ZNF208: variants seen among roughly 807,000 people sequenced by gnomAD.
ZNF208 encodes the protein zinc finger protein 208.
Under a neutral mutation model 12.1 loss-of-function variants are expected in ZNF208, and 10 were observed. The ratio of observed to expected loss-of-function variants is 0.83; its 90% CI spans 0.51 to 1.40. The LOEUF (loss-of-function observed/expected upper bound fraction) is 1.40, where lower values mean the gene tolerates loss of function less well. Among genes scored for constraint, ZNF208 ranks in the 40% most tolerant of loss-of-function variants. The pLI, the probability that ZNF208 is intolerant of heterozygous loss-of-function variation, is 0.00. For synonymous variants in ZNF208, 497 were observed against 488.4 expected, an observed-to-expected ratio of 1.02 and a Z score of -0.23; for missense variants, 1,652 against 1,485.0, an observed-to-expected ratio of 1.11 and a Z score of -1.85.
intron 1 of ZNF208, among the ~76,000 whole-genome samples, chr19:21,999,150 G>A (rs1970894909): frequency 6.6e-6 from 1 of 150,944 alleles, no homozygotes; most frequent in Admixed American, 6.6e-5. Context: ...ATGATTTAAT[G>A]GTAAATTTTT....
chr19:21,973,561 A>G lies in ZNF208; in HGVS notation c.1473T>C (p.His491=). The change falls in exon 4 of 4, where the codon CAT becomes CAC. Residue 491 remains histidine, a synonymous_variant. Transcript: ENST00000397126. ...CACATTTGTAGGGTTTCTCTCCAGC[A>G]TGAGTTGCCTTATCACATTCTTCAC... ...YKCEECDKAT[H]AGEKPYKCEE... is the part of the protein sequence containing the mutation. 1.2e-6 allele frequency: 2 copies of G among 1,612,932 alleles called. No homozygotes were observed. The highest frequency in any genetic ancestry group is 1.7e-6 in the Non-Finnish European group (2 of 1,179,728).
downstream of ZNF208, among the ~76,000 whole-genome samples, chr19:21,961,848 C>T (rs773126088): frequency 5.9e-5 from 9 of 152,106 alleles, no homozygotes; most frequent in Admixed American, 1.3e-4. Flanking sequence ...TGTCTTCATT[C>T]GTTCCCTAAA....
chr19:21,962,422 TA>T (rs1366753131), downstream of ZNF208, among the ~76,000 whole-genome samples: 1 of 152,160 alleles, frequency 6.6e-6, no homozygotes, highest in East Asian at 1.9e-4. Flanking sequence ...CAGCTTTTTT[TA>T]TATTTCAAAA....
intron 4 of ZNF208, among the ~76,000 whole-genome samples, chr19:21,945,906 G>A (rs201623720): frequency 6.7e-6 from 1 of 149,240 alleles, no homozygotes. Context: ...AAGCAGCTTG[G>A]AAAAAAAAAA....
chr19:21,996,784 G>A (rs11670356), intron 1 of ZNF208, among the ~76,000 whole-genome samples: 2,763 of 152,228 alleles, frequency 0.018, 37 homozygotes, highest in Non-Finnish European at 0.027. Context: ...TCAGTTTCAG[G>A]TCTGAAGACA....
rs1040879378 is a variant in ZNF208, at chr19:21,968,516, C to T, written c.*2675G>A. 2 of 151,922 alleles carry T rather than the reference C, an allele frequency of 1.3e-5. No homozygotes were observed. Among genetic ancestry groups the T allele is most frequent in the African/African-American group, 4.8e-5 (2 of 41,350 alleles). The allele number at this position is 151,922 out of a possible 1,614,324, so 9.4% of individuals were successfully genotyped here. A position where few individuals can be genotyped will look rare whatever the true frequency, so the allele number is the denominator to read the frequency against. On this transcript the variant is annotated 3_prime_UTR_variant, in exon 4 of 4. Transcript: ENST00000397126. ...TTATTGACTTCCATATCATGAAACACCTTCATATATATGGAAAAGCTCACA... is the reference window on the plus strand; with the variant it reads ...TTATTGACTTCCATATCATGAAACATCTTCATATATATGGAAAAGCTCACA...
At chr19:21,941,806 G>A (rs141134882) in intron 4 of ZNF208, among the ~76,000 whole-genome samples, 1 of 152,120 alleles carries the variant, frequency 6.6e-6, no homozygotes, top group African/African-American at 2.4e-5. Flanking sequence ...ACACAGAATA[G>A]TGTATCGTGC....
chr19:22,004,461 C>T (rs1375918294), intron 1 of ZNF208, among the ~76,000 whole-genome samples: 2 of 152,050 alleles, frequency 1.3e-5, no homozygotes, highest in Middle Eastern at 3.4e-3. Context: ...TGCAATGCGC[C>T]GAGATCAAGC....
chr19:21,999,631 C>CTGTG (rs1970905851), intron 1 of ZNF208, among the ~76,000 whole-genome samples: 1 of 151,860 alleles, frequency 6.6e-6, no homozygotes, highest in Non-Finnish European at 1.5e-5. Flanking sequence ...ATGAACTTTA[C>CTGTG]TCTGAACAAA....
chr19:21,953,688 C>G (rs887156725), intron 4 of ZNF208, among the ~76,000 whole-genome samples: 7 of 152,214 alleles, frequency 4.6e-5, no homozygotes, highest in Non-Finnish European at 1.0e-4. Context: ...ACAACTGGTA[C>G]CAGCCACTGC....
At chr19:21,956,551 C>T (rs771902307) in intron 4 of ZNF208, among the ~76,000 whole-genome samples, 9 of 152,196 alleles carry the variant, frequency 5.9e-5, no homozygotes, top group Non-Finnish European at 1.0e-4. Context: ...AAGCCCCTCC[C>T]CTAGCCTTGC....
At chr19:21,957,078 G>C (rs909567991) in intron 4 of ZNF208, among the ~76,000 whole-genome samples, 1 of 107,304 alleles carries the variant, frequency 9.3e-6, no homozygotes, top group Non-Finnish European at 2.0e-5. Flanking sequence ...GTCTCACTCT[G>C]TCTGTGGCCA....
chr19:21,953,333 C>T (rs1329703385), intron 4 of ZNF208, among the ~76,000 whole-genome samples: 2 of 152,038 alleles, frequency 1.3e-5, no homozygotes, highest in African/African-American at 2.4e-5. Flanking sequence ...AGATATTCCT[C>T]GAGAAGAGCA....
intron 4 of ZNF208, among the ~76,000 whole-genome samples, chr19:21,956,248 C>A (rs1969974183): frequency 6.6e-6 from 1 of 152,218 alleles, no homozygotes; most frequent in Non-Finnish European, 1.5e-5. Flanking sequence ...TCGGCCCCTA[C>A]TGGGAGGTGT....
intron 1 of ZNF208, among the ~76,000 whole-genome samples, chr19:21,990,983 T>C (rs962795986): frequency 1.3e-5 from 2 of 152,242 alleles, no homozygotes; most frequent in Non-Finnish European, 2.9e-5. Context: ...CGAAGTTGCT[T>C]ATCAGCTTAA....
At chr19:21,952,295 G>C (rs1165143746) in intron 4 of ZNF208, among the ~76,000 whole-genome samples, 1 of 152,226 alleles carries the variant, frequency 6.6e-6, no homozygotes, top group Non-Finnish European at 1.5e-5. Flanking sequence ...GAAGAGAGCA[G>C]TGGTTCACCC....
chr19:21,974,084 T>G lies in ZNF208; in HGVS notation c.950A>C (p.Glu317Ala), dbSNP rs1469858696. 2 of 1,538,842 alleles carry G rather than the reference T, an allele frequency of 1.3e-6. No homozygotes were observed. The highest frequency in any genetic ancestry group is 1.8e-6 in the Non-Finnish European group (2 of 1,140,506). Residue 317 changes from glutamate (E) to alanine (A), a missense_variant, in exon 4 of 4, where the codon GAA (glutamate) becomes GCA (alanine). By Grantham distance (107) the Glu-to-Ala change is moderately radical. Around this residue, in one of 3 missense-constraint regions of ZNF208, gnomAD observed 410 missense variants for 378.2 expected, o/e 1.08. Transcript: ENST00000397126. ...GACCTTACTGAAGGCTTTGCCACAT[T>G]CTTTACATTTGTAGGGCTTCTCTCC... Reference protein sequence around the residue: ...HAGEKPYKCKECGKAFSKVST... With the variant: ...HAGEKPYKCKACGKAFSKVST...
At position 21,972,027 on chromosome 19, in the gene ZNF208, A is replaced by T. The variant is rs181871198; in HGVS notation, c.3007T>A (p.Cys1003Ser). ...TTGAAAGCTTTGCCACATTCTTCAC[A>T]TTTGTAGGGTTTCTCTCCAGTATGA... ...VIHTGEKPYK[C>S]EECGKAFNWS... is the part of the protein sequence containing the mutation. The change falls in exon 4 of 4, where the codon TGT (cysteine) becomes AGT (serine). Residue 1003 changes from cysteine to serine, a missense_variant. Coordinates refer to ENST00000397126, the MANE Select transcript of ZNF208 (RefSeq NM_007153.3). The T allele has an allele frequency of 3.4e-3, 5,501 of 1,613,840 alleles. 21 individuals are homozygous for T. The highest frequency in any genetic ancestry group is 4.2e-3 in the Non-Finnish European group (4,931 of 1,179,936).
chr19:21,941,520 A>C, intron 4 of ZNF208: 3 of 385,116 alleles, frequency 7.8e-6, no homozygotes, highest in East Asian at 7.3e-5. Flanking sequence ...TTCTCAACAC[A>C]AGTGCAAATA....
Sources: gnomAD v4.1 joint callset for allele counts (sites outside exome capture counted in the v4.1 genomes callset) on GRCh38, gnomAD v4.1.1 for gene constraint, gnomAD v4.1.1 regional missense constraint, MANE v1.5 for transcripts, NCBI Gene and HGNC (gene_info 2026-07-23, HGNC 2026-07-21) for gene names.